Variants in SPHKAP observed in about 807,000 individuals in gnomAD.
SPHKAP encodes A-kinase anchor protein SPHKAP.
Under a neutral mutation model 137.5 loss-of-function variants are expected in SPHKAP, and 67 were observed. The ratio of observed to expected loss-of-function variants is 0.49; its 90% CI spans 0.40 to 0.60. SPHKAP has a LOEUF of 0.60. Among genes scored for constraint, SPHKAP ranks in the 20% least tolerant of loss-of-function variants. SPHKAP has a pLI of 0.00. For synonymous variants in SPHKAP, 813 were observed against 785.3 expected (o/e 1.04, Z -0.59); for missense variants, 2,097 against 2,069.3 (o/e 1.01, Z -0.26).
intron 11 of SPHKAP, among the ~76,000 whole-genome samples, chr2:227,988,862 G>C (rs1693308547): frequency 6.6e-6 from 1 of 152,182 alleles, no homozygotes; most frequent in Non-Finnish European, 1.5e-5. Flanking sequence ...TTATCAAATA[G>C]TGAACCGCTC....
In SPHKAP at chr2:228,036,436, C is replaced by G. The variant is rs905487963; in HGVS notation, c.247-8893G>C. Among the ~76,000 whole-genome samples the G allele has an allele frequency of 5.0e-4, 76 of 152,196 alleles. 1 individual carries two copies. Among genetic ancestry groups the G allele is most frequent in the Non-Finnish European group, 8.8e-4 (60 of 68,006 alleles). On this transcript the variant is annotated intron_variant, in intron 3 of 11. Coordinates refer to ENST00000392056, the MANE Select transcript of SPHKAP (RefSeq NM_001142644.2). ...AGGAACACTTTTACACTGTTGGTGG[C>G]ACTGTAAACTAGTTCAACCATTGTG...
At chr2:228,012,110 G>A (rs1240391307) in intron 7 of SPHKAP, among the ~76,000 whole-genome samples, 1 of 146,636 alleles carries the variant, frequency 6.8e-6, no homozygotes, top group East Asian at 2.0e-4. Flanking sequence ...TGGGGCTGCG[G>A]TGAGCCATGG....
intron 3 of SPHKAP, among the ~76,000 whole-genome samples, chr2:228,038,179 C>A (rs1249596616): frequency 6.6e-6 from 1 of 152,136 alleles, no homozygotes; most frequent in Non-Finnish European, 1.5e-5. Context: ...GAAGGCAGGA[C>A]ATGTCCTTAA....
rs1574866993 is a variant in SPHKAP, at chr2:228,120,087, T to A, written c.139-11148A>T. Among the ~76,000 whole-genome samples, 4 of 152,122 alleles carry A rather than the reference T, an allele frequency of 2.6e-5. 1 individual carries two copies. In the East Asian group the frequency reaches 7.7e-4, roughly 29 times the overall value. ...ATGATTCTCCGTTATCAAGAAGAAT[T>A]TACCAGATCAAAGGTGTGATTAGTT... On this transcript the variant is annotated intron_variant, in intron 2 of 11. Transcript: ENST00000392056.
intron 7 of SPHKAP, among the ~76,000 whole-genome samples, chr2:228,007,754 C>G (rs1694196590): frequency 6.6e-6 from 1 of 152,030 alleles, no homozygotes. Context: ...AGAAAGAAAC[C>G]CACATATCTA....
At chr2:228,075,340 T>C (rs1048848892) in intron 3 of SPHKAP, among the ~76,000 whole-genome samples, 1 of 152,184 alleles carries the variant, frequency 6.6e-6, no homozygotes, top group African/African-American at 2.4e-5. Context: ...CCTTGTTAAC[T>C]TATATCCTGA....
intron 11 of SPHKAP, among the ~76,000 whole-genome samples, chr2:227,989,598 T>C (rs1377754776): frequency 1.3e-5 from 2 of 152,146 alleles, no homozygotes; most frequent in African/African-American, 4.8e-5. Context: ...CAGGTGATTA[T>C]AATCTAATCA....
In SPHKAP at chr2:228,016,069, T is replaced by A. The variant is rs113121932; in HGVS notation, c.4448+337A>T. 9.1e-3 allele frequency among the ~76,000 whole-genome samples: 1,389 copies of A among 152,278 alleles called. 21 individuals carry two copies. Among genetic ancestry groups the A allele is most frequent in the African/African-American group, 0.031 (1,269 of 41,540 alleles). ...AATGGGAGGAATGATATCTTACTTC[T>A]TTGGTTATATAGATGAGTTTAGTTA... is the stretch of plus-strand genomic sequence containing the variant. On this transcript the variant is annotated intron_variant, in intron 7 of 11. Coordinates refer to ENST00000392056, the MANE Select transcript of SPHKAP (RefSeq NM_001142644.2).
chr2:228,069,559 T>A (rs1696943169), intron 3 of SPHKAP, among the ~76,000 whole-genome samples: 1 of 151,644 alleles, frequency 6.6e-6, no homozygotes, highest in Non-Finnish European at 1.5e-5. Context: ...GTACTGGGAC[T>A]ACAGGTGTGA....
intron 3 of SPHKAP, among the ~76,000 whole-genome samples, chr2:228,095,457 G>C (rs1164760889): frequency 6.6e-6 from 1 of 152,188 alleles, no homozygotes; most frequent in East Asian, 1.9e-4. Flanking sequence ...AGAGAGACTA[G>C]TGTTTTTAAA....
At chr2:228,155,101 T>C (rs1700070429) in intron 1 of SPHKAP, among the ~76,000 whole-genome samples, 1 of 152,168 alleles carries the variant, frequency 6.6e-6, no homozygotes, top group Non-Finnish European at 1.5e-5. Context: ...AGTTCCTAGC[T>C]GTACCTTTGC....
At chr2:228,093,600 C>A (rs1006198041) in intron 3 of SPHKAP, among the ~76,000 whole-genome samples, 1 of 151,668 alleles carries the variant, frequency 6.6e-6, no homozygotes, top group Non-Finnish European at 1.5e-5. Flanking sequence ...TGGCTCATAC[C>A]TGTAATCACA....
At chr2:228,106,390 G>T (rs1698346849) in intron 3 of SPHKAP, among the ~76,000 whole-genome samples, 1 of 152,058 alleles carries the variant, frequency 6.6e-6, no homozygotes, top group East Asian at 1.9e-4. Context: ...CTGGAGCTGG[G>T]TCCCCCCAGA....
intron 3 of SPHKAP, among the ~76,000 whole-genome samples, chr2:228,032,408 C>G (rs566175736): frequency 3.7e-4 from 57 of 152,268 alleles, no homozygotes; most frequent in African/African-American, 1.3e-3. Flanking sequence ...CGTCTGATTG[C>G]TGTACCTGAA....
chr2:228,117,908 T>A (rs1445616197), intron 2 of SPHKAP, among the ~76,000 whole-genome samples: 1 of 150,390 alleles, frequency 6.6e-6, no homozygotes, highest in East Asian at 2.0e-4. Context: ...AGGACCTGAA[T>A]AAGTGAAAAA....
At chr2:228,101,393 T>G (rs1416905887) in intron 3 of SPHKAP, among the ~76,000 whole-genome samples, 1 of 152,266 alleles carries the variant, frequency 6.6e-6, no homozygotes, top group East Asian at 1.9e-4. Context: ...AATTTCCATG[T>G]GCTTAAATAT....
chr2:228,057,625 G>A (rs989539122), intron 3 of SPHKAP, among the ~76,000 whole-genome samples: 2 of 146,930 alleles, frequency 1.4e-5, no homozygotes, highest in African/African-American at 5.5e-5. Flanking sequence ...CCCATAAGAT[G>A]GAGAGAGGTT....
At chr2:228,005,420 T>C (rs1467133532) in intron 7 of SPHKAP, among the ~76,000 whole-genome samples, 1 of 152,198 alleles carries the variant, frequency 6.6e-6, no homozygotes, top group Non-Finnish European at 1.5e-5. Flanking sequence ...CTTCCTCCAT[T>C]CCTTTATTTT....
At chr2:228,154,500 C>CTCTCTCTCTG (rs1415374092) in intron 1 of SPHKAP, among the ~76,000 whole-genome samples, 85 of 27,264 alleles carry the variant, frequency 3.1e-3, no homozygotes, top group Non-Finnish European at 4.8e-3. Flanking sequence ...CTCTCTCTCT[C>CTCTCTCTCTG]TCTCTCTCTC....
Sources: allele counts gnomAD v4.1 joint callset (sites outside exome capture counted in the v4.1 genomes callset), GRCh38; gene constraint gnomAD v4.1.1; transcripts MANE v1.5; gene names NCBI Gene and HGNC (gene_info 2026-07-23, HGNC 2026-07-21).